The following SEMA6D variants were observed in gnomAD, a reference collection of about 807,000 sequenced individuals.
SEMA6D encodes the protein semaphorin-6D.
SEMA6D carries 35 observed loss-of-function variants against 106.6 expected under a neutral mutation model. The ratio of observed to expected loss-of-function variants is 0.33; its 90% CI spans 0.25 to 0.44. SEMA6D has a LOEUF of 0.44. Ranked by LOEUF, SEMA6D falls within the 20% of genes least tolerant of loss-of-function variation. The pLI, the probability that SEMA6D is intolerant of heterozygous loss-of-function variation, is 1.00. For synonymous variants in SEMA6D, 499 were observed against 487.7 expected (o/e 1.02, Z -0.31); for missense variants, 1,185 against 1,345.9 (o/e 0.88, Z 1.87).
chr15:47,217,041 G>T (rs1419161036), intron 1 of SEMA6D, among the ~76,000 whole-genome samples: 1 of 152,066 alleles, frequency 6.6e-6, no homozygotes, highest in African/African-American at 2.4e-5. Flanking sequence ...ACAGCAATAA[G>T]GCACCCTCTA....
At chr15:47,422,226 C>CTTCCTTCCTTCCTTCCTTCG (rs2041193467) in intron 2 of SEMA6D, among the ~76,000 whole-genome samples, 1 of 148,662 alleles carries the variant, frequency 6.7e-6, no homozygotes, top group Non-Finnish European at 1.5e-5. Context: ...TCCTTCCTTC[C>CTTCCTTCCTTCCTTCCTTCG]TTCCTTCCAT....
intron 1 of SEMA6D, among the ~76,000 whole-genome samples, chr15:47,379,593 G>A (rs1049287054): frequency 5.3e-5 from 8 of 152,194 alleles, no homozygotes; most frequent in African/African-American, 1.9e-4. Flanking sequence ...CAAAAATACA[G>A]ATGAGATTAA....
chr15:47,536,885 A>G (rs553087908), intron 3 of SEMA6D, among the ~76,000 whole-genome samples: 60 of 152,312 alleles, frequency 3.9e-4, no homozygotes, highest in African/African-American at 1.3e-3. Flanking sequence ...TTAGGGAGTA[A>G]TTTCTCCATG....
At chr15:47,685,005 A>C (rs1167410685) in intron 4 of SEMA6D, among the ~76,000 whole-genome samples, 1 of 152,196 alleles carries the variant, frequency 6.6e-6, no homozygotes, top group African/African-American at 2.4e-5. Context: ...AGAGGAAGGA[A>C]GAGAAGGAAG....
chr15:47,337,272 A>C (rs548355434), intron 1 of SEMA6D, among the ~76,000 whole-genome samples: 1 of 152,146 alleles, frequency 6.6e-6, no homozygotes, highest in Non-Finnish European at 1.5e-5. Context: ...GAATCTAGAC[A>C]TGTTACTCTT....
At position 47,309,785 on chromosome 15, in the gene SEMA6D, A is replaced by C. The variant is rs1587236; in HGVS notation, c.-238-102608A>C. On this transcript the variant is annotated intron_variant, in intron 1 of 19. Transcript: ENST00000558014. The stretch of plus-strand genomic sequence containing the variant: ...TCATCTAACACAAAGTCTATTTTAT[A>C]ATAAAGCGTTGAATATCTCATGTAA... Among the ~76,000 whole-genome samples the C allele has an allele frequency of 4.5e-4, 69 of 152,326 alleles. No homozygotes were observed. The East Asian group carries it at 0.012, about 27-fold the overall frequency.
At chr15:47,197,071 C>T (rs938522785) in intron 1 of SEMA6D, among the ~76,000 whole-genome samples, 4 of 152,156 alleles carry the variant, frequency 2.6e-5, no homozygotes, top group Non-Finnish European at 5.9e-5. Context: ...GAATCTAACC[C>T]TCCCCCTTTC....
chr15:47,597,589 T>G (rs1306744150), intron 3 of SEMA6D, among the ~76,000 whole-genome samples: 1 of 151,952 alleles, frequency 6.6e-6, no homozygotes, highest in Non-Finnish European at 1.5e-5. Flanking sequence ...CTAGAGGACA[T>G]TATGTTAAGT....
At chr15:47,218,031 C>A (rs1030852689) in intron 1 of SEMA6D, among the ~76,000 whole-genome samples, 1 of 151,984 alleles carries the variant, frequency 6.6e-6, no homozygotes, top group African/African-American at 2.4e-5. Context: ...GGGTCACTGA[C>A]TTATTTAATT....
chr15:47,388,988 C>T (rs1490657092), intron 1 of SEMA6D, among the ~76,000 whole-genome samples: 2 of 151,904 alleles, frequency 1.3e-5, no homozygotes, highest in East Asian at 3.9e-4. Context: ...TTTCAGTAAG[C>T]ATAAGGATTA....
chr15:47,204,717 G>C (rs1894940329), intron 1 of SEMA6D, among the ~76,000 whole-genome samples: 1 of 152,100 alleles, frequency 6.6e-6, no homozygotes. Flanking sequence ...TTCTATAATA[G>C]ACGGAGATCA....
intron 2 of SEMA6D, among the ~76,000 whole-genome samples, chr15:47,449,798 C>G (rs1305054830): frequency 1.3e-5 from 2 of 151,990 alleles, no homozygotes; most frequent in African/African-American, 4.8e-5. Flanking sequence ...ACAATCCTTC[C>G]AAAAGAGTTA....
At chr15:47,283,496 CT>C (rs2035224194) in intron 1 of SEMA6D, among the ~76,000 whole-genome samples, 1 of 152,182 alleles carries the variant, frequency 6.6e-6, no homozygotes, top group African/African-American at 2.4e-5. Flanking sequence ...TGCCACTTTT[CT>C]TTCCAAACTC....
At chr15:47,263,548 T>C (rs982496513) in intron 1 of SEMA6D, among the ~76,000 whole-genome samples, 2 of 151,932 alleles carry the variant, frequency 1.3e-5, no homozygotes, top group Non-Finnish European at 2.9e-5. Context: ...AAAAAAATAA[T>C]AGATTCTGGC....
chr15:47,301,591 C>T (rs1220319058), intron 1 of SEMA6D, among the ~76,000 whole-genome samples: 1 of 152,248 alleles, frequency 6.6e-6, no homozygotes, highest in African/African-American at 2.4e-5. Context: ...TGTTGCTGCT[C>T]ACCTGATCTA....
rs566652396 is a variant in SEMA6D at position 47,260,500 on chromosome 15, TAGA to T, written c.-239+76085_-239+76087del. Among the ~76,000 whole-genome samples the T allele has an allele frequency of 1.6e-3, 241 of 152,202 alleles. 1 individual carries two copies. The highest frequency in any genetic ancestry group is 5.4e-3 in the African/African-American group (225 of 41,510). The stretch of plus-strand genomic sequence containing the variant: ...TCCATGCTAGTACTGCCTGAGGTGG[TAGA>T]AGTTCTTTCCCCACCAGCAATCCCA... On this transcript the variant is annotated intron_variant, in intron 1 of 19. Transcript: ENST00000558014.
chr15:47,437,405 T>C, intron 2 of SEMA6D, among the ~76,000 whole-genome samples: 1 of 152,040 alleles, frequency 6.6e-6, no homozygotes, highest in East Asian at 1.9e-4. Context: ...GTATCAAAAT[T>C]ATTAGTCATC....
chr15:47,765,116 C>A, intron 13 of SEMA6D, 60 bp downstream of exon 13: 1 of 1,584,270 alleles, frequency 6.3e-7, no homozygotes, highest in South Asian at 1.2e-5. Flanking sequence ...GCATGTATTT[C>A]ATCTAGTCAT....
At position 47,645,180 on chromosome 15, in the gene SEMA6D, G is replaced by A. The variant is rs1286578881; in HGVS notation, c.-55+44284G>A. Among the ~76,000 whole-genome samples, 3 of 152,188 alleles carry A rather than the reference G, an allele frequency of 2.0e-5. No homozygotes were observed. In the East Asian group the frequency reaches 5.8e-4, roughly 29 times the overall value. On this transcript the variant is annotated intron_variant, in intron 4 of 19. Coordinates refer to the SEMA6D transcript ENST00000558014. ...GATGATCCACAGAGGGATAAAGGAA[G>A]TTTGGCCTAATTATGTGATGCTTTA...
Sources: allele counts gnomAD v4.1 joint callset (sites outside exome capture counted in the v4.1 genomes callset), GRCh38; gene constraint gnomAD v4.1.1; transcripts MANE v1.5; gene names NCBI Gene and HGNC (gene_info 2026-07-23, HGNC 2026-07-21).